Variants in TMEM71 observed in about 807,000 individuals in gnomAD.
TMEM71 encodes the protein transmembrane protein 71.
A neutral mutation model predicts 38.0 loss-of-function variants in TMEM71; 44 were observed. That is an observed-to-expected ratio of 1.16 (90% CI 0.91 to 1.49). The LOEUF is 1.49. Among genes scored for constraint, TMEM71 ranks in the 40% most tolerant of loss-of-function variants. The pLI, the probability that TMEM71 is intolerant of heterozygous loss-of-function variation, is 0.00. For synonymous variants in TMEM71, 133 were observed against 122.5 expected, an observed-to-expected ratio of 1.09 and a Z score of -0.56; for missense variants, 367 against 348.6, an observed-to-expected ratio of 1.05 and a Z score of -0.42.
intron 5 of TMEM71, among the ~76,000 whole-genome samples, chr8:132,729,635 AC>A (rs1448062696): frequency 1.3e-5 from 2 of 152,200 alleles, no homozygotes; most frequent in African/African-American, 4.8e-5. Context: ...AGCCAGGGAA[AC>A]CTATAACTCT....
chr8:132,741,431 C>G (rs1185649204), intron 5 of TMEM71, among the ~76,000 whole-genome samples: 1 of 152,092 alleles, frequency 6.6e-6, no homozygotes, highest in African/African-American at 2.4e-5. Context: ...GGACCACTAC[C>G]ACCAATGCGC....
At chr8:132,752,044 C>T (rs1294588050) in intron 3 of TMEM71, 47 bp from the exon 4 acceptor site, 2 of 1,495,496 alleles carry the variant, frequency 1.3e-6, no homozygotes, top group South Asian at 2.3e-5. Context: ...TCAGTACATC[C>T]AGTCCCAAAT....
chr8:132,753,546 C>T (rs920273561), intron 3 of TMEM71, among the ~76,000 whole-genome samples: 11 of 152,054 alleles, frequency 7.2e-5, no homozygotes, highest in African/African-American at 1.4e-4. Context: ...AACATTGTCC[C>T]GTCTCTGCAT....
chr8:132,727,807 C>T lies in TMEM71; in HGVS notation c.667G>A (p.Asp223Asn), dbSNP rs34962342. 2.5e-6 allele frequency: 4 copies of T among 1,607,820 alleles called. No homozygotes were observed. The highest frequency in any genetic ancestry group is 3.4e-6 in the Non-Finnish European group (4 of 1,177,274). The change falls in exon 6 of 10, where the codon GAT (aspartate) becomes AAT (asparagine). Residue 223 changes from aspartate to asparagine, a missense_variant. By Grantham distance (23) the Asp-to-Asn change is conservative. Coordinates refer to ENST00000677595, the MANE Select transcript of TMEM71 (RefSeq NM_001382403.1). ...ASERFQENSS[D>N]HSETRLLQEV... ...AAACACCTGAACTCACCTGAATGAT[C>T]CGAACTATTCTCTTGGAAACGTTCA...
At chr8:132,766,808 A>T in the TMEM71 span, among the ~76,000 whole-genome samples, 3 of 127,626 alleles carry the variant, frequency 2.4e-5, no homozygotes, top group Non-Finnish European at 5.4e-5. Flanking sequence ...AAAATAAAAA[A>T]GATGCTGTTT....
chr8:132,743,851 T>C (rs117221111), intron 5 of TMEM71, among the ~76,000 whole-genome samples: 2,150 of 152,302 alleles, frequency 0.014, 28 homozygotes, highest in Middle Eastern at 0.027. Flanking sequence ...GTCTACTCAC[T>C]AGGCAACTCA....
In TMEM71 at chr8:132,758,933, A is replaced by G; in HGVS notation, c.-36-18T>C. Reference sequence around the variant, plus strand: ...CAGATTCTCTGCAAAAGATGTTAAAAAAAAGGTGGACTATATATTAAAAAT... The same window carrying G: ...CAGATTCTCTGCAAAAGATGTTAAAGAAAAGGTGGACTATATATTAAAAAT... On this transcript the variant is annotated intron_variant, in intron 1 of 9. Transcript: ENST00000677595. 2 of 1,513,778 alleles carry G rather than the reference A, an allele frequency of 1.3e-6. No homozygotes were observed. Among genetic ancestry groups the G allele is most frequent in the Admixed American group, 3.4e-5 (2 of 59,380 alleles). 93.8% of individuals were successfully genotyped at this position (1,513,778 alleles called of 1,614,324 possible).
At chr8:132,738,421 A>G (rs1340725218) in intron 5 of TMEM71, among the ~76,000 whole-genome samples, 3 of 152,128 alleles carry the variant, frequency 2.0e-5, no homozygotes, top group Admixed American at 1.3e-4. Flanking sequence ...TAACCTGTCA[A>G]TTCTACCTTG....
Position 132,737,221 on chromosome 8 carries a change from T to C in TMEM71, c.488-9235A>G, listed in dbSNP as rs182182468. Among the ~76,000 whole-genome samples the C allele has an allele frequency of 3.4e-3, 513 of 152,292 alleles. 3 individuals are homozygous for C. The highest frequency in any genetic ancestry group is 0.01 in the African/African-American group (427 of 41,552). On this transcript the variant is annotated intron_variant, in intron 5 of 9. Coordinates refer to ENST00000677595, the MANE Select transcript of TMEM71 (RefSeq NM_001382403.1). ...GTGACTATACTAAAAAATCGCTGAA[T>C]TGTATACGTTAAGTTGGTAGATTTT...
chr8:132,751,784 CCTAA>C lies in TMEM71; in HGVS notation c.311_314del (p.Val104GlyfsTer44), dbSNP rs1828723389. 3.1e-6 allele frequency: 5 copies of C among 1,612,676 alleles called. No homozygotes were observed. Among genetic ancestry groups the C allele is most frequent in the South Asian group, 1.1e-5 (1 of 91,038 alleles). On this transcript the variant is annotated frameshift_variant and splice_region_variant, in exon 4 of 10. Coordinates refer to ENST00000677595, the MANE Select transcript of TMEM71 (RefSeq NM_001382403.1). LOFTEE classifies it high-confidence loss of function. ...TTCTTTCTGTAATATGCTCTGCTTA[CCTAA>C]CTAAGTTCTCCTTATACATAACGCT...
At position 132,710,115 on chromosome 8, in the gene TMEM71, C is replaced by A. The variant is rs1395312407; in HGVS notation, c.*852G>T. ...ACATAGAACAAATTTGAATTACAGG[C>A]CATATTTGCTTTGTGAACACGCACC... is the stretch of plus-strand genomic sequence containing the variant. On this transcript the variant is annotated 3_prime_UTR_variant, in exon 10 of 10. Coordinates refer to ENST00000677595, the MANE Select transcript of TMEM71 (RefSeq NM_001382403.1). 1 of 151,942 alleles carries A rather than the reference C, an allele frequency of 6.6e-6. No homozygotes were observed. Among genetic ancestry groups the A allele is most frequent in the Non-Finnish European group, 1.5e-5 (1 of 67,996 alleles). The allele number at this position is 151,942 out of a possible 1,614,324, so 9.4% of individuals were successfully genotyped here.
chr8:132,758,694 C>G, intron 2 of TMEM71, 146 bp downstream of exon 2: 2 of 648,316 alleles, frequency 3.1e-6, no homozygotes, highest in Non-Finnish European at 2.7e-6. Context: ...AAAATCATTG[C>G]CAAAGTGAAC....
rs1284700909 is a variant in TMEM71, at chr8:132,710,913, A to T, written c.*54T>A. The stretch of plus-strand genomic sequence containing the variant: ...ATTCCAAGTAGACTGCAAGTTGGAC[A>T]ATTTCCAGATATTCAGATGGAGGAC... On this transcript the variant is annotated 3_prime_UTR_variant, in exon 10 of 10. Transcript: ENST00000677595. The T allele has an allele frequency of 1.3e-6, 2 of 1,570,358 alleles. No individual in the cohort carries two copies. The highest frequency in any genetic ancestry group is 1.8e-6 in the Non-Finnish European group (2 of 1,141,554).
intron 5 of TMEM71, among the ~76,000 whole-genome samples, chr8:132,728,783 C>A (rs1043823613): frequency 2.6e-5 from 4 of 152,180 alleles, no homozygotes; most frequent in African/African-American, 7.2e-5. Context: ...ATATTAGAAA[C>A]TGACCTAGCT....
the TMEM71 span, among the ~76,000 whole-genome samples, chr8:132,773,427 C>T: frequency 6.6e-6 from 1 of 152,224 alleles, no homozygotes; most frequent in Non-Finnish European, 1.5e-5. Flanking sequence ...GAACAATCAT[C>T]TTTCCAGGGT....
In TMEM71 at chr8:132,710,079, C is replaced by T. The variant is rs1275512209; in HGVS notation, c.*888G>A. The T allele has an allele frequency of 1.3e-5, 2 of 152,032 alleles. No homozygotes were observed. The highest frequency in any genetic ancestry group is 4.8e-5 in the African/African-American group (2 of 41,386). 9.4% of individuals were successfully genotyped at this position (152,032 alleles called of 1,614,324 possible). ...TTTTCTGCATGTATGAGTTTTTACT[C>T]AGAGAGTATCACATAGAACAAATTT... On this transcript the variant is annotated 3_prime_UTR_variant, in exon 10 of 10. Coordinates refer to ENST00000677595, the MANE Select transcript of TMEM71 (RefSeq NM_001382403.1).
chr8:132,732,124 G>A (rs1827492069), intron 5 of TMEM71, among the ~76,000 whole-genome samples: 1 of 152,210 alleles, frequency 6.6e-6, no homozygotes, highest in African/African-American at 2.4e-5. Flanking sequence ...CTCATGATCT[G>A]GAGAGGGACA....
At chr8:132,758,760 C>T in intron 2 of TMEM71, 80 bp downstream of exon 2, 2 of 1,293,574 alleles carry the variant, frequency 1.5e-6, no homozygotes, top group East Asian at 4.6e-5. Context: ...TGAGTATCAG[C>T]AAAATCAAAG....
At chr8:132,771,692 AC>A in the TMEM71 span, among the ~76,000 whole-genome samples, 1 of 152,072 alleles carries the variant, frequency 6.6e-6, no homozygotes, top group Non-Finnish European at 1.5e-5. Context: ...AATCTGGAAC[AC>A]CCTATCATCC....
Sources: gnomAD v4.1 joint callset for allele counts (sites outside exome capture counted in the v4.1 genomes callset) on GRCh38, gnomAD v4.1.1 for gene constraint, MANE v1.5 for transcripts, NCBI Gene and HGNC (gene_info 2026-07-23, HGNC 2026-07-21) for gene names.